ARID1B: variants seen among roughly 807,000 people sequenced by gnomAD.
The protein encoded by ARID1B is AT-rich interactive domain-containing protein 1B.
ARID1B carries 30 observed loss-of-function variants against 212.3 expected under a neutral mutation model. That is an observed-to-expected ratio of 0.14 (90% CI 0.11 to 0.19). The LOEUF is 0.19. Among genes scored for constraint, ARID1B ranks in the 10% least tolerant of loss-of-function variants. The probability of loss-of-function intolerance (pLI) is 1.00; values close to 1 mark genes in which losing one functional copy is unlikely to be tolerated. For missense variants in ARID1B, 2,891 were observed against 3,204.0 expected (o/e 0.90, Z 2.36); for synonymous variants, 1,402 against 1,301.7 (o/e 1.08, Z -1.66).
At chr6:156,874,111 C>T (rs1484642511) in intron 2 of ARID1B, among the ~76,000 whole-genome samples, 2 of 152,190 alleles carry the variant, frequency 1.3e-5, no homozygotes, top group African/African-American at 4.8e-5. Flanking sequence ...GGGTCTCACT[C>T]TGTCACCAGG....
intron 4 of ARID1B, among the ~76,000 whole-genome samples, chr6:157,008,627 A>G (rs1004297235): frequency 1.3e-5 from 2 of 152,140 alleles, no homozygotes; most frequent in Admixed American, 6.5e-5. Context: ...TATTAGTTGG[A>G]AGGATTTTAG....
chr6:157,174,739 T>A lies in ARID1B; in HGVS notation c.3346-108T>A, dbSNP rs568057862. On this transcript the variant is annotated intron_variant, in intron 10 of 19. Coordinates refer to ENST00000636930, the MANE Select transcript of ARID1B (RefSeq NM_001374828.1). ...GTCTTTATATATATATATATATATA[T>A]AATATATATAAAAAAATTAGTTTGT... The A allele has an allele frequency of 1.5e-3, 454 of 293,448 alleles. 6 individuals carry two copies. Among genetic ancestry groups the A allele is most frequent in the Non-Finnish European group, 2.2e-3 (377 of 168,498 alleles). The allele number at this position is 293,448 out of a possible 1,614,324, so 18.2% of individuals were successfully genotyped here.
Position 157,039,370 on chromosome 6 carries a change from C to A in ARID1B, c.2248-45292C>A, listed in dbSNP as rs866599376. 5.9e-3 allele frequency among the ~76,000 whole-genome samples: 701 copies of A among 118,280 alleles called. 7 individuals are homozygous for A. The highest frequency in any genetic ancestry group is 0.022 in the African/African-American group (652 of 29,008). 77.6% of individuals were successfully genotyped at this position (118,280 alleles called of 152,430 possible). A position where few individuals can be genotyped will look rare whatever the true frequency, so the allele number is the denominator to read the frequency against. ...ACGGAGTCTCGCTCTGTCGCCCAGG[C>A]CGGACTGCGGACTGCAGTGGCGCAA... On this transcript the variant is annotated intron_variant, in intron 4 of 19. Transcript: ENST00000636930.
chr6:157,034,165 ATTT>A (rs1219268818), intron 4 of ARID1B, among the ~76,000 whole-genome samples: 1 of 152,226 alleles, frequency 6.6e-6, no homozygotes, highest in Non-Finnish European at 1.5e-5. Flanking sequence ...ATTAGAATTT[ATTT>A]TTGACTGTAT....
chr6:157,201,844 G>A lies in ARID1B; in HGVS notation c.5263+356G>A, dbSNP rs144900537. On this transcript the variant is annotated intron_variant, in intron 18 of 19. Transcript: ENST00000636930. This position sits in a 1 kb window ranked among gnomAD's most constrained non-coding sequence, Gnocchi z 5.2. ...TTTGTGTGAAAGATTAGAGCTTCAAGTAAGAGATCAGGGAATCCTGAGTGG... is the reference window on the plus strand; with the variant it reads ...TTTGTGTGAAAGATTAGAGCTTCAAATAAGAGATCAGGGAATCCTGAGTGG... Among the ~76,000 whole-genome samples, 4 of 152,230 alleles carry A rather than the reference G, an allele frequency of 2.6e-5. No individual in the cohort carries two copies. The highest frequency in any genetic ancestry group is 5.9e-5 in the Non-Finnish European group (4 of 68,028).
In ARID1B at chr6:156,777,852, C is replaced by CTGGGGG; in HGVS notation, c.173_178dup (p.Gly59_Gly60insValGly). 1 of 1,327,046 alleles carries CTGGGGG rather than the reference C, an allele frequency of 7.5e-7. No homozygotes were observed. The highest frequency in any genetic ancestry group is 1.6e-5 in the African/African-American group (1 of 63,304). The allele number at this position is 1,327,046 out of a possible 1,614,324, so 82.2% of individuals were successfully genotyped here. ...GGCGGCGGCGGCACCGGGACCCATG[C>CTGGGGG]TGGGGGGCGGCGGCGACGGCGGCGG... is the stretch of plus-strand genomic sequence containing the variant. On this transcript the variant is annotated inframe_insertion, in exon 1 of 20. Coordinates refer to ENST00000636930, the MANE Select transcript of ARID1B (RefSeq NM_001374828.1).
At chr6:157,109,377 G>A (rs754391014) in intron 5 of ARID1B, among the ~76,000 whole-genome samples, 15 of 152,246 alleles carry the variant, frequency 9.9e-5, no homozygotes, top group East Asian at 1.9e-4. Context: ...TGATCCAGCC[G>A]GGGTCCCAGG....
chr6:156,793,643 G>C (rs1562389711), intron 1 of ARID1B, among the ~76,000 whole-genome samples: 1 of 152,138 alleles, frequency 6.6e-6, no homozygotes, highest in Non-Finnish European at 1.5e-5. Flanking sequence ...GGCCTTGCAT[G>C]GTTTTTCAAA....
intron 4 of ARID1B, chr6:156,976,272 G>T: frequency 1.3e-5 from 2 of 158,518 alleles, no homozygotes; most frequent in South Asian, 3.3e-4. Context: ...TCAGAGGCCT[G>T]ACAGTGCACA....
intron 1 of ARID1B, among the ~76,000 whole-genome samples, chr6:156,788,856 A>T (rs1297731893): frequency 6.6e-6 from 1 of 152,206 alleles, no homozygotes; most frequent in Non-Finnish European, 1.5e-5. Flanking sequence ...TAATTCTATT[A>T]TGAACAAATA....
At chr6:156,896,599 AAG>A (rs1491195682) in intron 2 of ARID1B, among the ~76,000 whole-genome samples, 2 of 148,978 alleles carry the variant, frequency 1.3e-5, no homozygotes, top group African/African-American at 2.5e-5. Context: ...AAAAAAAAAA[AAG>A]AGGACACAGT....
chr6:157,009,741 G>A (rs1779456808), intron 4 of ARID1B, among the ~76,000 whole-genome samples: 1 of 152,122 alleles, frequency 6.6e-6, no homozygotes, highest in Non-Finnish European at 1.5e-5. Context: ...TATTTGTCAA[G>A]TCCCTTATGA....
intron 7 of ARID1B, among the ~76,000 whole-genome samples, chr6:157,147,061 C>T (rs1789782396): frequency 6.6e-6 from 1 of 152,056 alleles, no homozygotes; most frequent in Non-Finnish European, 1.5e-5. Context: ...AGCACTTAAC[C>T]AAGTGCCCAG....
chr6:157,150,426 A>T (rs762302794), intron 8 of ARID1B: 2 of 152,406 alleles, frequency 1.3e-5, no homozygotes, highest in Non-Finnish European at 2.9e-5. Context: ...TTAGCTCACC[A>T]GGAGTTTAAA....
At chr6:156,993,404 G>C (rs1778385973) in intron 4 of ARID1B, among the ~76,000 whole-genome samples, 1 of 152,082 alleles carries the variant, frequency 6.6e-6, no homozygotes, top group Non-Finnish European at 1.5e-5. Flanking sequence ...TTTCTTTTTG[G>C]CCTCAAGTTT....
At chr6:157,088,727 C>T (rs908942181) in intron 5 of ARID1B, among the ~76,000 whole-genome samples, 3 of 151,918 alleles carry the variant, frequency 2.0e-5, no homozygotes, top group Non-Finnish European at 4.4e-5. Context: ...ATAATGAGGC[C>T]CATCTCCCTC....
At chr6:156,844,251 T>TTTTTG (rs984429390) in intron 2 of ARID1B, among the ~76,000 whole-genome samples, 1 of 152,188 alleles carries the variant, frequency 6.6e-6, no homozygotes, top group South Asian at 2.1e-4. Context: ...CTTGTTTGAT[T>TTTTTG]TTTTGTTTTG....
rs750914446 is a variant in ARID1B, at chr6:157,148,883, T to C, written c.3021T>C (p.Thr1007=). The C allele has an allele frequency of 4.3e-6, 7 of 1,612,800 alleles. No individual in the cohort carries two copies. Among genetic ancestry groups the C allele is most frequent in the Non-Finnish European group, 5.9e-6 (7 of 1,180,004 alleles). The change falls in exon 8 of 20, where the codon ACT becomes ACC. Residue 1007 remains threonine (T), a synonymous_variant. Coordinates refer to ENST00000636930, the MANE Select transcript of ARID1B (RefSeq NM_001374828.1). This position sits in a 1 kb window ranked among gnomAD's most constrained non-coding sequence, Gnocchi z 5.6. The part of the protein sequence containing the change: ...GGPGMGPPMP[T]VNRKAQEAAA... ...CAGGAATGGGGCCGCCAATGCCAAC[T>C]GTGAACCGTAAGGCACAGGAGGCAG... is the stretch of plus-strand genomic sequence containing the variant.
At chr6:157,069,897 A>G (rs557790983) in intron 4 of ARID1B, among the ~76,000 whole-genome samples, 17 of 152,344 alleles carry the variant, frequency 1.1e-4, no homozygotes, top group Admixed American at 5.2e-4. Context: ...GTCCTAGCCT[A>G]TACGAATAAC....
Sources: gnomAD v4.1 joint callset for allele counts (sites outside exome capture counted in the v4.1 genomes callset) on GRCh38, gnomAD v4.1.1 for gene constraint, Gnocchi (gnomAD v3.1) non-coding constraint, MANE v1.5 for transcripts, NCBI Gene and HGNC (gene_info 2026-07-23, HGNC 2026-07-21) for gene names.